Variants in MEF2A observed in about 807,000 individuals in gnomAD.
MEF2A encodes myocyte enhancer factor 2A.
In MEF2A, 28 loss-of-function variants were observed where a neutral mutation model predicts 55.8. The observed-to-expected ratio is 0.50, with a 90% CI of 0.37 to 0.69. The LOEUF is 0.69. MEF2A is among the 30% of genes least tolerant of loss of function. The pLI, the probability that MEF2A is intolerant of heterozygous loss-of-function variation, is 0.00. For synonymous variants in MEF2A, 239 were observed against 227.1 expected, an observed-to-expected ratio of 1.05 and a Z score of -0.47; for missense variants, 528 against 626.2, an observed-to-expected ratio of 0.84 and a Z score of 1.67.
chr15:99,637,335 CATTA>C (rs1274201295), intron 3 of MEF2A, among the ~76,000 whole-genome samples: 3 of 152,074 alleles, frequency 2.0e-5, no homozygotes, highest in Non-Finnish European at 2.9e-5. Flanking sequence ...ATTTGGTTTT[CATTA>C]ATTCTCTCCA....
chr15:99,597,738 T>G (rs892225365), intron 1 of MEF2A, among the ~76,000 whole-genome samples: 1 of 152,160 alleles, frequency 6.6e-6, no homozygotes. Context: ...TTTCTCTCTT[T>G]TGTACTCTGT....
chr15:99,623,604 G>A (rs568289015), intron 2 of MEF2A, among the ~76,000 whole-genome samples: 3 of 152,280 alleles, frequency 2.0e-5, no homozygotes, highest in East Asian at 3.9e-4. Context: ...ATGTGAAATG[G>A]CATCTCATTG....
intron 1 of MEF2A, among the ~76,000 whole-genome samples, chr15:99,578,068 A>G (rs1964858358): frequency 6.6e-6 from 1 of 152,046 alleles, no homozygotes; most frequent in Admixed American, 6.6e-5. Flanking sequence ...ATTTTGGGGG[A>G]GATACTTTGA....
At chr15:99,703,161 T>A (rs1490439976) in intron 8 of MEF2A, among the ~76,000 whole-genome samples, 1 of 152,208 alleles carries the variant, frequency 6.6e-6, no homozygotes, top group Non-Finnish European at 1.5e-5. Flanking sequence ...CCTAGAGAAT[T>A]TAAAATAATT....
chr15:99,602,655 T>TGG (rs1458024191), intron 2 of MEF2A, among the ~76,000 whole-genome samples: 25 of 73,464 alleles, frequency 3.4e-4, no homozygotes, highest in African/African-American at 1.6e-3. Flanking sequence ...ATTCCTGGGG[T>TGG]GTGTGTGTGT....
At chr15:99,665,491 CTAAG>C (rs1250150956) in intron 4 of MEF2A, among the ~76,000 whole-genome samples, 1 of 152,008 alleles carries the variant, frequency 6.6e-6, no homozygotes, top group East Asian at 1.9e-4. Context: ...AGAAGAAAAT[CTAAG>C]TAGTACCGTT....
chr15:99,573,980 TTTTG>T (rs1204451377), intron 1 of MEF2A, among the ~76,000 whole-genome samples: 4 of 152,154 alleles, frequency 2.6e-5, no homozygotes, highest in African/African-American at 9.7e-5. Context: ...GGAGTTAAGG[TTTTG>T]TTTTTGTTTT....
intron 11 of MEF2A, among the ~76,000 whole-genome samples, chr15:99,711,970 G>A (rs565389108): frequency 2.0e-5 from 3 of 152,296 alleles, no homozygotes; most frequent in African/African-American, 7.2e-5. Flanking sequence ...TTGCACCTTA[G>A]AGGTGTTGCG....
intron 8 of MEF2A, among the ~76,000 whole-genome samples, chr15:99,691,180 G>A (rs915857312): frequency 5.8e-5 from 8 of 138,622 alleles, no homozygotes; most frequent in Non-Finnish European, 9.1e-5. Context: ...GGAGAAAACA[G>A]CTCCCTCCAA....
chr15:99,645,949 A>G, intron 4 of MEF2A, 185 bp downstream of exon 4: 3 of 457,054 alleles, frequency 6.6e-6, no homozygotes, highest in East Asian at 3.2e-5. Context: ...AACATACTCT[A>G]TTCATTCAGA....
At chr15:99,662,232 T>C (rs937911532) in intron 4 of MEF2A, among the ~76,000 whole-genome samples, 4 of 152,186 alleles carry the variant, frequency 2.6e-5, no homozygotes, top group African/African-American at 9.7e-5. Flanking sequence ...TTGACTTGAT[T>C]GAAATGACTG....
At chr15:99,694,117 T>C (rs971959944) in intron 8 of MEF2A, among the ~76,000 whole-genome samples, 1 of 152,226 alleles carries the variant, frequency 6.6e-6, no homozygotes, top group African/African-American at 2.4e-5. Context: ...CAATCATGTC[T>C]CTTTAGCCTC....
intron 2 of MEF2A, among the ~76,000 whole-genome samples, chr15:99,610,865 C>T (rs1358711964): frequency 6.6e-6 from 1 of 152,152 alleles, no homozygotes; most frequent in Non-Finnish European, 1.5e-5. Context: ...TTAGAAATAA[C>T]ATCAGAAGTA....
At chr15:99,595,230 TTAG>T (rs1262406455) in intron 1 of MEF2A, among the ~76,000 whole-genome samples, 1 of 152,168 alleles carries the variant, frequency 6.6e-6, no homozygotes, top group Non-Finnish European at 1.5e-5. Context: ...TGTAAAGCAA[TTAG>T]TATGCTGATT....
intron 4 of MEF2A, among the ~76,000 whole-genome samples, chr15:99,654,651 C>T (rs1258405554): frequency 1.3e-5 from 2 of 152,026 alleles, no homozygotes; most frequent in African/African-American, 2.4e-5. Flanking sequence ...TGTGTTCAAG[C>T]GGGCTCCAGG....
intron 2 of MEF2A, among the ~76,000 whole-genome samples, chr15:99,631,466 A>G (rs2042929717): frequency 6.6e-6 from 1 of 152,146 alleles, no homozygotes; most frequent in South Asian, 2.1e-4. Flanking sequence ...CCTAATATGT[A>G]TATCTCATAC....
At chr15:99,619,942 A>C (rs2040852640) in intron 2 of MEF2A, among the ~76,000 whole-genome samples, 2 of 152,208 alleles carry the variant, frequency 1.3e-5, no homozygotes, top group African/African-American at 4.8e-5. Context: ...AAATTGCACA[A>C]GATAGTAAAG....
intron 2 of MEF2A, among the ~76,000 whole-genome samples, chr15:99,630,710 C>T (rs1353180901): frequency 2.0e-5 from 3 of 152,138 alleles, no homozygotes; most frequent in African/African-American, 4.8e-5. Flanking sequence ...GTAGTTGGCC[C>T]GGATTGCCTT....
At chr15:99,627,419 C>CAAA (rs139658538) in intron 2 of MEF2A, among the ~76,000 whole-genome samples, 487 of 43,062 alleles carry the variant, frequency 0.011, 73 homozygotes, top group African/African-American at 0.041. Context: ...GACTTTATCT[C>CAAA]AAAAAAAAAA....
Sources: gnomAD v4.1 joint callset for allele counts (sites outside exome capture counted in the v4.1 genomes callset) on GRCh38, gnomAD v4.1.1 for gene constraint, MANE v1.5 for transcripts, NCBI Gene and HGNC (gene_info 2026-07-23, HGNC 2026-07-21) for gene names.